Variants in DCUN1D3 observed in about 807,000 individuals in gnomAD.
DCUN1D3 encodes the protein defective in cullin neddylation 1 domain containing 3.
In DCUN1D3, 6 loss-of-function variants were observed where a neutral mutation model predicts 24.8. That is an observed-to-expected ratio of 0.24 (90% confidence interval 0.13 to 0.48). The LOEUF is 0.48. DCUN1D3 is among the 20% of genes least tolerant of loss of function. The probability of loss-of-function intolerance (pLI) is 0.99; values close to 1 mark genes in which losing one functional copy is unlikely to be tolerated. For synonymous variants in DCUN1D3, 120 were observed against 144.9 expected, an observed-to-expected ratio of 0.83 and a Z score of 1.24; for missense variants, 258 against 379.4, an observed-to-expected ratio of 0.68 and a Z score of 2.66.
At chr16:20,862,912 G>A (rs2081741177) in intron 1 of DCUN1D3, among the ~76,000 whole-genome samples, 1 of 152,132 alleles carries the variant, frequency 6.6e-6, no homozygotes, top group Non-Finnish European at 1.5e-5. Flanking sequence ...TTCATATGTA[G>A]AATGCATCAA....
At chr16:20,879,928 C>T (rs564666009) in intron 1 of DCUN1D3, among the ~76,000 whole-genome samples, 24 of 152,312 alleles carry the variant, frequency 1.6e-4, no homozygotes, top group African/African-American at 5.8e-4. Flanking sequence ...TTGCTGACAC[C>T]AACTACTCAC....
intron 1 of DCUN1D3, among the ~76,000 whole-genome samples, chr16:20,888,387 G>A (rs753171518): frequency 6.6e-6 from 1 of 152,128 alleles, no homozygotes; most frequent in Non-Finnish European, 1.5e-5. Context: ...GTGGCAAGTC[G>A]GTGATAAAGT....
intron 1 of DCUN1D3, among the ~76,000 whole-genome samples, chr16:20,863,662 A>T (rs1046220314): frequency 3.9e-5 from 6 of 152,162 alleles, no homozygotes; most frequent in Admixed American, 3.9e-4. Flanking sequence ...GGGAGGATCA[A>T]CTGAGCCCAG....
chr16:20,885,685 ACTC>A (rs2081865151), intron 1 of DCUN1D3, among the ~76,000 whole-genome samples: 1 of 152,144 alleles, frequency 6.6e-6, no homozygotes, highest in African/African-American at 2.4e-5. Flanking sequence ...TTCTACTACT[ACTC>A]GTTTCCCTTC....
intron 1 of DCUN1D3, among the ~76,000 whole-genome samples, chr16:20,890,840 T>G (rs2081888975): frequency 6.6e-6 from 1 of 151,728 alleles, no homozygotes; most frequent in South Asian, 2.1e-4. Context: ...CTGTCACCAA[T>G]TCAGAGCACT....
chr16:20,872,600 A>G (rs1196652494), intron 1 of DCUN1D3, among the ~76,000 whole-genome samples: 1 of 152,242 alleles, frequency 6.6e-6, no homozygotes, highest in Non-Finnish European at 1.5e-5. Flanking sequence ...CCACACAATA[A>G]AAGAATTCCT....
chr16:20,860,115 G>C lies in DCUN1D3; in HGVS notation c.686C>G (p.Thr229Arg). The change falls in exon 3 of 3, where the codon ACA (threonine) becomes AGA (arginine). Residue 229 changes from threonine (T) to arginine (R), a missense_variant. Thr to Arg is a moderately conservative substitution (Grantham distance 71). Coordinates refer to ENST00000324344, the MANE Select transcript of DCUN1D3 (RefSeq NM_173475.4). The surrounding 1 kb of genome is among the most constrained non-coding windows in gnomAD (Gnocchi z 4.3). ...GCCCTTGATCCCCGAGGGGTTCTCT[G>C]TTAGGAAGTTTAGCCATTGGTCCAA... ...PVLDQWLNFL[T>R]ENPSGIKGIS... 1 of 1,614,260 alleles carries C rather than the reference G, an allele frequency of 6.2e-7. No homozygotes were observed. The highest frequency in any genetic ancestry group is 8.5e-7 in the Non-Finnish European group (1 of 1,180,042).
In DCUN1D3 at chr16:20,862,503, T is replaced by C; in HGVS notation, c.36A>G (p.Ser12=). The change falls in exon 2 of 3, where the codon TCA becomes TCG. Residue 12 remains serine (S), a synonymous_variant. Coordinates refer to ENST00000324344, the MANE Select transcript of DCUN1D3 (RefSeq NM_173475.4). ...GQCVTKCKNP[S]STLGSKNGDR... ...CTCCATTTTTGCTGCCCAGGGTCGA[T>C]GAGGGATTCTTACACTTGGTGACAC... 2 of 1,608,270 alleles carry C rather than the reference T, an allele frequency of 1.2e-6. No homozygotes were observed. The highest frequency in any genetic ancestry group is 1.7e-6 in the Non-Finnish European group (2 of 1,179,908).
Position 20,862,204 on chromosome 16 carries a change from T to C in DCUN1D3, c.335A>G (p.Glu112Gly). The change falls in exon 2 of 3, where the codon GAG becomes GGG. Residue 112 changes from glutamate to glycine, a missense_variant. Coordinates refer to ENST00000324344, the MANE Select transcript of DCUN1D3 (RefSeq NM_173475.4). ...AACACACAGGTCATTGCAAAAGCGC[T>C]CCATGCCTTCCTCCAAAATTGCATC... ...REDAILEEGM[E>G]RFCNDLCVDP... 1 of 1,614,246 alleles carries C rather than the reference T, an allele frequency of 6.2e-7. No individual in the cohort carries two copies. The highest frequency in any genetic ancestry group is 1.1e-5 in the South Asian group (1 of 91,088).
intron 1 of DCUN1D3, among the ~76,000 whole-genome samples, chr16:20,867,095 A>C (rs1260614757): frequency 6.6e-6 from 1 of 152,212 alleles, no homozygotes; most frequent in African/African-American, 2.4e-5. Context: ...TTTTGGGGAC[A>C]TGAACTCACA....
intron 1 of DCUN1D3, among the ~76,000 whole-genome samples, chr16:20,884,062 T>C (rs1197778963): frequency 6.6e-6 from 1 of 152,216 alleles, no homozygotes; most frequent in Non-Finnish European, 1.5e-5. Flanking sequence ...TGCTGGAACA[T>C]GTAAGAATGG....
chr16:20,896,485 A>G (rs973045147), intron 1 of DCUN1D3: 15 of 152,082 alleles, frequency 9.9e-5, no homozygotes, highest in African/African-American at 3.6e-4. Context: ...CCCCAAACAC[A>G]ATTAGTAGCC....
Position 20,875,110 on chromosome 16 carries a change from T to A in DCUN1D3, c.-105-12467A>T, listed in dbSNP as rs527263002. Among the ~76,000 whole-genome samples, 167 of 152,018 alleles carry A rather than the reference T, an allele frequency of 1.1e-3. 4 individuals are homozygous for A. The South Asian group carries it at 0.034, about 31-fold the overall frequency. On this transcript the variant is annotated intron_variant, in intron 1 of 2. Transcript: ENST00000324344. Reference sequence around the variant, plus strand: ...CTATTTTAAGAAACAACATAAAAAATTTATAAAATAAAGCAGCAGCACCAT... The same window carrying A: ...CTATTTTAAGAAACAACATAAAAAAATTATAAAATAAAGCAGCAGCACCAT...
intron 1 of DCUN1D3, among the ~76,000 whole-genome samples, chr16:20,886,449 G>A (rs1006728257): frequency 5.3e-5 from 8 of 152,154 alleles, no homozygotes; most frequent in African/African-American, 1.9e-4. Context: ...GAAGACCATG[G>A]TTCTGGACTA....
chr16:20,898,068 C>G, intron 1 of DCUN1D3, among the ~76,000 whole-genome samples: 1 of 152,202 alleles, frequency 6.6e-6, no homozygotes, highest in East Asian at 1.9e-4. Flanking sequence ...CCCAACCCAT[C>G]CTCTTTCCAC....
chr16:20,875,582 G>C (rs953256872), intron 1 of DCUN1D3, among the ~76,000 whole-genome samples: 2 of 152,156 alleles, frequency 1.3e-5, no homozygotes, highest in African/African-American at 4.8e-5. Flanking sequence ...ATATGCAGAA[G>C]AATAAAACTA....
intron 1 of DCUN1D3, among the ~76,000 whole-genome samples, chr16:20,887,808 C>T (rs1017222309): frequency 3.9e-5 from 6 of 152,164 alleles, no homozygotes; most frequent in African/African-American, 1.2e-4. Flanking sequence ...TGGTTTTGCC[C>T]AACTCACTGA....
At chr16:20,889,234 A>AAG in intron 1 of DCUN1D3, among the ~76,000 whole-genome samples, 1 of 151,730 alleles carries the variant, frequency 6.6e-6, no homozygotes, top group East Asian at 1.9e-4. Context: ...CAAAAAAAAA[A>AAG]AAAAAAAATT....
chr16:20,859,240 C>T lies in DCUN1D3; in HGVS notation c.*646G>A, dbSNP rs1181615114. ...GAAATCAGGGTTCTGGATAAATTAG[C>T]TTAAAAGGGGGTTGTCACCAGACTA... On this transcript the variant is annotated 3_prime_UTR_variant, in exon 3 of 3. Coordinates refer to ENST00000324344, the MANE Select transcript of DCUN1D3 (RefSeq NM_173475.4). 3 of 152,622 alleles carry T rather than the reference C, an allele frequency of 2.0e-5. No homozygotes were observed. The highest frequency in any genetic ancestry group is 6.5e-5 in the Admixed American group (1 of 15,284). The allele number at this position is 152,622 out of a possible 1,614,324, so 9.5% of individuals were successfully genotyped here.
Sources: allele counts gnomAD v4.1 joint callset (sites outside exome capture counted in the v4.1 genomes callset), GRCh38; gene constraint gnomAD v4.1.1; non-coding constraint Gnocchi (gnomAD v3.1); transcripts MANE v1.5; gene names NCBI Gene and HGNC (gene_info 2026-07-23, HGNC 2026-07-21).